The following FREM1 variants were observed in gnomAD, a reference collection of about 807,000 sequenced individuals.
The protein encoded by FREM1 is FRAS1 related extracellular matrix 1.
FREM1 carries 220 observed loss-of-function variants against 210.1 expected under a neutral mutation model. That is an observed-to-expected ratio of 1.05 (90% CI 0.94 to 1.17). FREM1 has a LOEUF of 1.17. Among genes scored for constraint, FREM1 ranks in the 50% most tolerant of loss-of-function variants. FREM1 has a pLI of 0.00. For missense variants in FREM1, 3,454 were observed against 2,675.5 expected (o/e 1.29, Z -6.42); for synonymous variants, 1,189 against 980.2 (o/e 1.21, Z -3.98).
chr9:14,780,433 G>GAAAAAAAAAAAA (rs58017285), intron 24 of FREM1, among the ~76,000 whole-genome samples: 3 of 81,530 alleles, frequency 3.7e-5, no homozygotes, highest in African/African-American at 4.3e-5. Context: ...CAGCTCCTCA[G>GAAAAAAAAAAAA]AAAAAAAAAA....
intron 1 of FREM1, among the ~76,000 whole-genome samples, chr9:14,875,895 A>G (rs1207970860): frequency 6.6e-6 from 1 of 152,186 alleles, no homozygotes; most frequent in East Asian, 1.9e-4. Flanking sequence ...CTTCTAACAG[A>G]CAGGACCCTC....
intron 1 of FREM1, among the ~76,000 whole-genome samples, chr9:14,890,957 G>C (rs964724291): frequency 6.6e-6 from 1 of 152,130 alleles, no homozygotes; most frequent in Non-Finnish European, 1.5e-5. Context: ...TTCACAACAG[G>C]TTGCTTTAAT....
chr9:14,861,186 CAT>C lies in FREM1; in HGVS notation c.330-1704_330-1703del, dbSNP rs1491335310. Among the ~76,000 whole-genome samples, 5 of 117,442 alleles carry C rather than the reference CAT, an allele frequency of 4.3e-5. 1 individual carries two copies. Among genetic ancestry groups the C allele is most frequent in the Non-Finnish European group, 6.5e-5 (4 of 61,238 alleles). 77.0% of individuals were successfully genotyped at this position (117,442 alleles called of 152,430 possible). A position where few individuals can be genotyped will look rare whatever the true frequency, so the allele number is the denominator to read the frequency against. Reference sequence around the variant, plus strand: ...ATACACATGTATGTACATATATACACATATATACATATATACACACATATACA... The same window carrying C: ...ATACACATGTATGTACATATATACACATATACATATATACACACATATACA... On this transcript the variant is annotated intron_variant, in intron 3 of 36. Coordinates refer to ENST00000380880, the MANE Select transcript of FREM1 (RefSeq NM_001379081.2).
chr9:14,888,799 G>A (rs1211257895), intron 1 of FREM1, among the ~76,000 whole-genome samples: 2 of 151,984 alleles, frequency 1.3e-5, no homozygotes, highest in Admixed American at 6.6e-5. Flanking sequence ...AGAAATCATC[G>A]AGGCCATATT....
Position 14,851,593 on chromosome 9 carries a change from C to G in FREM1, c.843G>C (p.Trp281Cys). 6.2e-7 allele frequency: 1 copy of G among 1,612,748 alleles called. No homozygotes were observed. The highest frequency in any genetic ancestry group is 8.5e-7 in the Non-Finnish European group (1 of 1,178,792). ...SKIVYKSESAWLPVYIRAGIP... is the reference protein window; with the variant it reads ...SKIVYKSESACLPVYIRAGIP... ...TTCCAGCTCTGATATAGACAGGCAG[C>G]CACGCACTCTCTGACTTTTGAAGGA... is the stretch of plus-strand genomic sequence containing the variant. Residue 281 changes from tryptophan (W) to cysteine (C), a missense_variant, in exon 6 of 37, where the codon TGG (tryptophan) becomes TGC (cysteine). Coordinates refer to ENST00000380880, the MANE Select transcript of FREM1 (RefSeq NM_001379081.2).
At chr9:14,758,728 T>C (rs1372136832) in intron 28 of FREM1, among the ~76,000 whole-genome samples, 1 of 152,166 alleles carries the variant, frequency 6.6e-6, no homozygotes, top group South Asian at 2.1e-4. Flanking sequence ...CATTAGTGTG[T>C]ACAAGTGTTT....
intron 13 of FREM1, among the ~76,000 whole-genome samples, chr9:14,821,004 G>C (rs907237647): frequency 6.6e-6 from 1 of 152,016 alleles, no homozygotes; most frequent in African/African-American, 2.4e-5. Flanking sequence ...ATATATTTTA[G>C]GGCAACTTTC....
intron 29 of FREM1, among the ~76,000 whole-genome samples, chr9:14,755,091 C>A (rs1223873602): frequency 6.6e-6 from 1 of 152,166 alleles, no homozygotes; most frequent in Admixed American, 6.5e-5. Context: ...GGCATGGAAT[C>A]GATTCAGAAG....
chr9:14,844,643 T>C (rs1564060215), intron 8 of FREM1, among the ~76,000 whole-genome samples: 1 of 152,254 alleles, frequency 6.6e-6, no homozygotes, highest in African/African-American at 2.4e-5. Flanking sequence ...ATCCACTTTA[T>C]GCTTCTTCCT....
chr9:14,863,773 T>G, intron 3 of FREM1, 36 bp downstream of exon 3: 1 of 1,287,330 alleles, frequency 7.8e-7, no homozygotes, highest in Non-Finnish European at 1.1e-6. Context: ...GAATGGTTAC[T>G]TGGCAGCAAA....
At chr9:14,821,047 G>A (rs1011760160) in intron 13 of FREM1, among the ~76,000 whole-genome samples, 9 of 152,142 alleles carry the variant, frequency 5.9e-5, no homozygotes, top group East Asian at 5.8e-4. Context: ...AATTTCCCCC[G>A]ACTCATTAGT....
In FREM1 at chr9:14,879,742, C is replaced by G. The variant is rs2065483; in HGVS notation, c.-267-10498G>C. On this transcript the variant is annotated intron_variant, in intron 1 of 36. Coordinates refer to ENST00000380880, the MANE Select transcript of FREM1 (RefSeq NM_001379081.2). The stretch of plus-strand genomic sequence containing the variant: ...AAATGGAGAAAAGCATGCTTCCATT[C>G]GGTAAAGCAACTCTAAAGGCTGCAT... Among the ~76,000 whole-genome samples the G allele has an allele frequency of 1.1e-4, 17 of 152,230 alleles. No homozygotes were observed. In the South Asian group the frequency reaches 3.5e-3, roughly 32 times the overall value.
intron 30 of FREM1, among the ~76,000 whole-genome samples, chr9:14,748,932 G>A (rs915440165): frequency 1.3e-5 from 2 of 152,134 alleles, no homozygotes; most frequent in African/African-American, 4.8e-5. Context: ...ATACTGGGGG[G>A]AAAGTCTCAC....
At chr9:14,791,840 T>TTTTG (rs1350631732) in intron 22 of FREM1, among the ~76,000 whole-genome samples, 1 of 151,856 alleles carries the variant, frequency 6.6e-6, no homozygotes, top group African/African-American at 2.4e-5. Flanking sequence ...TTTTGTTTTG[T>TTTTG]TTTGTTTTTT....
At chr9:14,869,267 G>A in intron 1 of FREM1, 23 bp from the exon 2 acceptor site, 1 of 337,772 alleles carries the variant, frequency 3.0e-6, no homozygotes, top group Non-Finnish European at 5.4e-6. Context: ...GAAGGGGTTG[G>A]AGTAAAGCGA....
At chr9:14,824,526 A>C (rs1192192541) in intron 11 of FREM1, among the ~76,000 whole-genome samples, 3 of 152,192 alleles carry the variant, frequency 2.0e-5, no homozygotes, top group Admixed American at 6.5e-5. Flanking sequence ...AAAAATAAGC[A>C]TTGTCTTTCA....
intron 36 of FREM1, 45 bp from the exon 37 acceptor site, chr9:14,737,640 A>G (rs1840637537): frequency 2.9e-6 from 4 of 1,368,518 alleles, no homozygotes; most frequent in Non-Finnish European, 3.9e-6. Flanking sequence ...TATTGCGTTT[A>G]TACTTAGATA....
chr9:14,871,376 G>A (rs1171334902), intron 1 of FREM1, among the ~76,000 whole-genome samples: 3 of 152,132 alleles, frequency 2.0e-5, no homozygotes, highest in Non-Finnish European at 2.9e-5. Context: ...ATCTCATTGT[G>A]GTTTTGATTT....
At chr9:14,777,649 GTTCT>G (rs199971024) in intron 24 of FREM1, among the ~76,000 whole-genome samples, 1 of 112,112 alleles carries the variant, frequency 8.9e-6, no homozygotes, top group East Asian at 2.2e-4. Context: ...TTCTTTGGAA[GTTCT>G]TTTTTAACTA....
Sources: gnomAD v4.1 joint callset for allele counts (sites outside exome capture counted in the v4.1 genomes callset) on GRCh38, gnomAD v4.1.1 for gene constraint, MANE v1.5 for transcripts, NCBI Gene and HGNC (gene_info 2026-07-23, HGNC 2026-07-21) for gene names.